Variants in ADAMTSL3 observed in about 807,000 individuals in gnomAD.
ADAMTSL3 encodes ADAMTS-like protein 3.
ADAMTSL3 carries 128 observed loss-of-function variants against 201.7 expected under a neutral mutation model. The observed-to-expected ratio is 0.63, with a 90% CI of 0.55 to 0.73. The LOEUF is 0.73. Among genes scored for constraint, ADAMTSL3 ranks in the 30% least tolerant of loss-of-function variants. The pLI, the probability that ADAMTSL3 is intolerant of heterozygous loss-of-function variation, is 0.00. For missense variants in ADAMTSL3, 1,990 were observed against 2,119.6 expected (o/e 0.94, Z 1.20); for synonymous variants, 738 against 748.4 (o/e 0.99, Z 0.23).
At chr15:83,777,504 G>A (rs1272993790) in intron 4 of ADAMTSL3, among the ~76,000 whole-genome samples, 1 of 152,152 alleles carries the variant, frequency 6.6e-6, no homozygotes, top group Admixed American at 6.5e-5. Flanking sequence ...TGGGAGCTGA[G>A]TGTTGGCCCC....
intron 3 of ADAMTSL3, among the ~76,000 whole-genome samples, chr15:83,773,237 C>A (rs539956401): frequency 2.8e-3 from 426 of 152,138 alleles, no homozygotes; most frequent in African/African-American, 9.4e-3. Flanking sequence ...CATGGCAAAA[C>A]CCTGTCTCTA....
chr15:83,979,770 C>G (rs1314869765), intron 20 of ADAMTSL3, among the ~76,000 whole-genome samples: 1 of 152,210 alleles, frequency 6.6e-6, no homozygotes, highest in Non-Finnish European at 1.5e-5. Context: ...CTAGAATGTG[C>G]TCATAGACAA....
At chr15:83,951,754 C>T (rs2142063925) in intron 19 of ADAMTSL3, among the ~76,000 whole-genome samples, 1 of 152,154 alleles carries the variant, frequency 6.6e-6, no homozygotes, top group South Asian at 2.1e-4. Context: ...TTGTATGTGT[C>T]TAGGAATTTA....
chr15:84,022,386 C>T (rs1011868694), intron 26 of ADAMTSL3, among the ~76,000 whole-genome samples: 6 of 152,100 alleles, frequency 3.9e-5, no homozygotes, highest in African/African-American at 1.2e-4. Flanking sequence ...ATAAAAATAT[C>T]GACTTCACAA....
At chr15:83,820,109 C>G in intron 6 of ADAMTSL3, 62 bp downstream of exon 6, 1 of 1,397,738 alleles carries the variant, frequency 7.2e-7, no homozygotes, top group South Asian at 1.2e-5. Context: ...TGTCAATAAA[C>G]AGAACCCTTT....
chr15:83,873,279 G>A (rs1229613111), intron 9 of ADAMTSL3, among the ~76,000 whole-genome samples: 2 of 144,934 alleles, frequency 1.4e-5, no homozygotes, highest in Non-Finnish European at 3.0e-5. Flanking sequence ...ATTCCAGCCT[G>A]GGCAACAGAG....
In ADAMTSL3 at chr15:83,944,237, T is replaced by G. The variant is rs188561396; in HGVS notation, c.2490+1155T>G. Among the ~76,000 whole-genome samples, 873 of 152,314 alleles carry G rather than the reference T, an allele frequency of 5.7e-3. 12 individuals carry two copies. Among genetic ancestry groups the G allele is most frequent in the African/African-American group, 0.02 (841 of 41,572 alleles). On this transcript the variant is annotated intron_variant, in intron 19 of 29. Coordinates refer to ENST00000286744, the MANE Select transcript of ADAMTSL3 (RefSeq NM_207517.3). ...CCAGAATAGCTGGTAGGGCCTTTCTTGCACTCATGGCTCTCTTACTCCAGT... is the reference window on the plus strand; with the variant it reads ...CCAGAATAGCTGGTAGGGCCTTTCTGGCACTCATGGCTCTCTTACTCCAGT...
chr15:83,732,384 G>A (rs1486308324), intron 3 of ADAMTSL3, among the ~76,000 whole-genome samples: 26 of 152,068 alleles, frequency 1.7e-4, no homozygotes, highest in Admixed American at 1.6e-3. Context: ...AGATAAGTGA[G>A]TCAACACTGT....
chr15:83,670,283 A>AG (rs2061314281), intron 2 of ADAMTSL3, among the ~76,000 whole-genome samples: 1 of 123,894 alleles, frequency 8.1e-6, no homozygotes, highest in African/African-American at 3.1e-5. Context: ...AAAAAAAAAA[A>AG]GAACAGAAAA....
intron 5 of ADAMTSL3, 92 bp downstream of exon 5, chr15:83,804,787 CTT>C (rs1322142078): frequency 2.2e-6 from 2 of 897,718 alleles, no homozygotes; most frequent in African/African-American, 1.8e-5. Flanking sequence ...CTGATGGTCT[CTT>C]AATACCCTTT....
chr15:83,873,081 G>T (rs1409343081), intron 9 of ADAMTSL3, among the ~76,000 whole-genome samples: 1 of 144,950 alleles, frequency 6.9e-6, no homozygotes, highest in Admixed American at 6.7e-5. Context: ...AAGGCGGGTG[G>T]ATCACCTGAG....
chr15:83,962,073 T>C (rs2066982490), intron 19 of ADAMTSL3: 1 of 152,196 alleles, frequency 6.6e-6, no homozygotes, highest in Admixed American at 6.5e-5. Flanking sequence ...TCCCTCATAC[T>C]GTTCTCGTGG....
intron 19 of ADAMTSL3, among the ~76,000 whole-genome samples, chr15:83,956,706 C>A (rs951219744): frequency 1.3e-5 from 2 of 151,856 alleles, no homozygotes; most frequent in African/African-American, 2.4e-5. Context: ...CACACATAAC[C>A]TGAATACACT....
intron 12 of ADAMTSL3, 44 bp from the exon 13 acceptor site, chr15:83,892,640 C>T: frequency 6.5e-7 from 1 of 1,548,616 alleles, no homozygotes; most frequent in Middle Eastern, 1.7e-4. Flanking sequence ...AAACTTCAAA[C>T]AAACAACAAA....
At chr15:83,704,628 C>A (rs2061822973) in intron 3 of ADAMTSL3, 120 bp downstream of exon 3, 10 of 1,293,240 alleles carry the variant, frequency 7.7e-6, no homozygotes, top group Non-Finnish European at 1.1e-5. Flanking sequence ...GTACAACAGA[C>A]CCTTGACACC....
intron 3 of ADAMTSL3, among the ~76,000 whole-genome samples, chr15:83,736,578 G>A (rs2062372621): frequency 6.6e-6 from 1 of 152,210 alleles, no homozygotes; most frequent in Admixed American, 6.5e-5. Context: ...GAGGAATTCT[G>A]TGGTGGAAGC....
At chr15:83,879,015 C>A (rs2065228158) in intron 9 of ADAMTSL3, among the ~76,000 whole-genome samples, 1 of 152,022 alleles carries the variant, frequency 6.6e-6, no homozygotes, top group East Asian at 1.9e-4. Flanking sequence ...ATGAATTTGT[C>A]TATTTCAACT....
Position 83,942,984 on chromosome 15 carries a change from C to T in ADAMTSL3, c.2392C>T (p.Leu798Phe). 1.2e-6 allele frequency: 2 copies of T among 1,614,080 alleles called. No homozygotes were observed. The highest frequency in any genetic ancestry group is 2.2e-5 in the East Asian group (1 of 44,862). ...QLLTDGSFLN[L>F]SDELCQGPKA... ...GCTAACGGATGGCAGCTTTTTGAAT[C>T]TCTCAGATGAATTGTGCCAAGGACC... Residue 798 changes from leucine (L) to phenylalanine (F), a missense_variant, in exon 19 of 30, where the codon CTC (leucine) becomes TTC (phenylalanine). Transcript: ENST00000286744.
intron 2 of ADAMTSL3, 52 bp downstream of exon 2, chr15:83,655,882 T>A: frequency 1.3e-6 from 2 of 1,546,094 alleles, no homozygotes; most frequent in African/African-American, 1.4e-5. Context: ...CTCTGTTTAC[T>A]CAGAGGCATT....
Sources: gnomAD v4.1 joint callset for allele counts (sites outside exome capture counted in the v4.1 genomes callset) on GRCh38, gnomAD v4.1.1 for gene constraint, MANE v1.5 for transcripts, NCBI Gene and HGNC (gene_info 2026-07-23, HGNC 2026-07-21) for gene names.